The following TAFA1 variants were observed in gnomAD, a reference collection of about 807,000 sequenced individuals.
The protein encoded by TAFA1 is chemokine-like protein TAFA-1.
Under a neutral mutation model 18.5 loss-of-function variants are expected in TAFA1, and 4 were observed. That is an observed-to-expected ratio of 0.22 (90% CI 0.11 to 0.49). The LOEUF (loss-of-function observed/expected upper bound fraction) is 0.49. Among genes scored for constraint, TAFA1 ranks in the 20% least tolerant of loss-of-function variants. The pLI is 0.98. For missense variants in TAFA1, 147 were observed against 169.0 expected (o/e 0.87, Z 0.72); for synonymous variants, 56 against 55.2 (o/e 1.01, Z -0.06).
At chr3:68,113,202 G>A (rs1159672518) in intron 2 of TAFA1, among the ~76,000 whole-genome samples, 3 of 152,200 alleles carry the variant, frequency 2.0e-5, no homozygotes, top group African/African-American at 7.2e-5. Context: ...GCAGTGTTAT[G>A]TTATTGTGAG....
intron 3 of TAFA1, among the ~76,000 whole-genome samples, chr3:68,486,571 C>T (rs1205130691): frequency 6.6e-6 from 1 of 152,096 alleles, no homozygotes; most frequent in Non-Finnish European, 1.5e-5. Context: ...ACTGTTTCCT[C>T]ATATATAAAA....
At chr3:68,337,144 A>C (rs2068985144) in intron 2 of TAFA1, among the ~76,000 whole-genome samples, 1 of 152,190 alleles carries the variant, frequency 6.6e-6, no homozygotes. Flanking sequence ...AGGCTGGATA[A>C]TGTATTTTTA....
rs558352216 is a variant in TAFA1, at chr3:68,326,817, A to C, written c.119-90463A>C. Among the ~76,000 whole-genome samples the C allele has an allele frequency of 5.3e-5, 8 of 152,322 alleles. No individual in the cohort carries two copies. In the South Asian group the frequency reaches 1.7e-3, roughly 32 times the overall value. ...ATTATCTCCTTTGAAAAGATAAATA[A>C]ATAGGGGCTGAGAGATGTTATGTGA... On this transcript the variant is annotated intron_variant, in intron 2 of 4. Transcript: ENST00000478136.
intron 2 of TAFA1, among the ~76,000 whole-genome samples, chr3:68,382,031 G>A (rs1291108833): frequency 1.3e-5 from 2 of 152,288 alleles, no homozygotes; most frequent in Non-Finnish European, 1.5e-5. Flanking sequence ...TCTCTATTGA[G>A]ATAATCATGT....
intron 2 of TAFA1, among the ~76,000 whole-genome samples, chr3:68,143,424 T>C (rs1461870660): frequency 6.6e-6 from 1 of 152,194 alleles, no homozygotes; most frequent in Non-Finnish European, 1.5e-5. Flanking sequence ...TTATCCATCC[T>C]TCTACTAACA....
chr3:68,278,404 T>C (rs2067833972), intron 2 of TAFA1, among the ~76,000 whole-genome samples: 2 of 152,184 alleles, frequency 1.3e-5, no homozygotes, highest in South Asian at 4.1e-4. Flanking sequence ...ACACTTGTTT[T>C]AGCTGCACAG....
At chr3:68,144,369 T>C (rs2065710742) in intron 2 of TAFA1, among the ~76,000 whole-genome samples, 1 of 152,268 alleles carries the variant, frequency 6.6e-6, no homozygotes, top group Non-Finnish European at 1.5e-5. Flanking sequence ...AGCCCAGCAT[T>C]TGAATGTTTT....
intron 3 of TAFA1, among the ~76,000 whole-genome samples, chr3:68,448,001 A>G (rs767562681): frequency 6.6e-6 from 1 of 152,202 alleles, no homozygotes; most frequent in African/African-American, 2.4e-5. Context: ...CACACCACAC[A>G]TTCAGTATTA....
chr3:68,308,705 A>C (rs1333902124), intron 2 of TAFA1, among the ~76,000 whole-genome samples: 1 of 152,074 alleles, frequency 6.6e-6, no homozygotes, highest in Non-Finnish European at 1.5e-5. Flanking sequence ...TCAGGAATAT[A>C]ATGCTCATTT....
intron 2 of TAFA1, among the ~76,000 whole-genome samples, chr3:68,132,273 A>G (rs1559532347): frequency 6.6e-6 from 1 of 152,162 alleles, no homozygotes; most frequent in Non-Finnish European, 1.5e-5. Context: ...TTTATCCAGT[A>G]TATCATTGAC....
rs574309072 is a variant in TAFA1 at position 68,519,724 on chromosome 3, C to T, written c.260-19032C>T. On this transcript the variant is annotated intron_variant, in intron 3 of 4. Transcript: ENST00000478136. ...CTCTTGGCTTCTAATTGTATCCTCA[C>T]ATGGCAGAAAGCAGAGTGAGGTTTC... Among the ~76,000 whole-genome samples the T allele has an allele frequency of 3.9e-5, 6 of 152,274 alleles. No individual in the cohort carries two copies. In the East Asian group the frequency reaches 1.2e-3, roughly 29 times the overall value.
chr3:68,441,113 G>A (rs1337300803), intron 3 of TAFA1, among the ~76,000 whole-genome samples: 1 of 152,136 alleles, frequency 6.6e-6, no homozygotes, highest in South Asian at 2.1e-4. Flanking sequence ...GAAACACAAG[G>A]CCTAGTGGGC....
At chr3:68,428,062 A>G (rs2071093051) in intron 3 of TAFA1, among the ~76,000 whole-genome samples, 1 of 151,938 alleles carries the variant, frequency 6.6e-6, no homozygotes, top group South Asian at 2.1e-4. Context: ...TAATGCACCC[A>G]CTAACCGGAG....
chr3:68,215,803 C>G (rs929529255), intron 2 of TAFA1, among the ~76,000 whole-genome samples: 4 of 152,006 alleles, frequency 2.6e-5, no homozygotes, highest in Admixed American at 6.6e-5. Flanking sequence ...CAGTCACACT[C>G]CTAGCTATTT....
chr3:68,438,000 G>T (rs1272303922), intron 3 of TAFA1, among the ~76,000 whole-genome samples: 2 of 152,074 alleles, frequency 1.3e-5, no homozygotes, highest in Non-Finnish European at 2.9e-5. Flanking sequence ...TGGAGAAATA[G>T]GCTAGAAGAA....
intron 2 of TAFA1, among the ~76,000 whole-genome samples, chr3:68,252,568 C>T (rs1001084081): frequency 3.3e-5 from 5 of 152,274 alleles, no homozygotes; most frequent in South Asian, 2.1e-4. Flanking sequence ...TAAAATCAGA[C>T]ATCGTCAGGC....
intron 2 of TAFA1, among the ~76,000 whole-genome samples, chr3:68,359,239 A>G (rs1313414251): frequency 6.6e-6 from 1 of 152,038 alleles, no homozygotes; most frequent in Non-Finnish European, 1.5e-5. Context: ...TTAATCAAAA[A>G]TTGCAGAACA....
intron 2 of TAFA1, among the ~76,000 whole-genome samples, chr3:68,084,532 T>G (rs146457911): frequency 1.8e-3 from 278 of 152,324 alleles, no homozygotes; most frequent in Non-Finnish European, 3.6e-3. Context: ...ACATGGTGGC[T>G]CACGCCTGTA....
At chr3:68,209,369 C>G (rs1470538858) in intron 2 of TAFA1, among the ~76,000 whole-genome samples, 1 of 152,012 alleles carries the variant, frequency 6.6e-6, no homozygotes, top group South Asian at 2.1e-4. Context: ...ACATGCCTAA[C>G]CTTCCATGCA....
Sources: allele counts gnomAD v4.1 joint callset (sites outside exome capture counted in the v4.1 genomes callset), GRCh38; gene constraint gnomAD v4.1.1; transcripts MANE v1.5; gene names NCBI Gene and HGNC (gene_info 2026-07-23, HGNC 2026-07-21).